PTPDC1: variants seen among roughly 807,000 people sequenced by gnomAD.
The protein encoded by PTPDC1 is protein tyrosine phosphatase domain containing 1, also known as protein tyrosine phosphatase domain-containing protein 1.
A neutral mutation model predicts 75.3 loss-of-function variants in PTPDC1; 53 were observed. The observed-to-expected ratio is 0.70, with a 90% CI of 0.56 to 0.88. PTPDC1 has a LOEUF of 0.88. PTPDC1 is among the 40% of genes least tolerant of loss of function. The probability of loss-of-function intolerance (pLI) is 0.00; values close to 1 mark genes in which losing one functional copy is unlikely to be tolerated. For missense variants in PTPDC1, 925 were observed against 998.6 expected (o/e 0.93, Z 0.99); for synonymous variants, 349 against 366.2 (o/e 0.95, Z 0.54).
Position 94,038,259 on chromosome 9 carries a change from C to G in PTPDC1, c.-7+7132C>G, listed in dbSNP as rs1302838566. 1.8e-5 allele frequency: 16 copies of G among 903,674 alleles called. No homozygotes were observed. The Admixed American group carries it at 2.5e-4, about 14-fold the overall frequency. 56.0% of individuals were successfully genotyped at this position (903,674 alleles called of 1,614,324 possible). A position where few individuals can be genotyped will look rare whatever the true frequency, so the allele number is the denominator to read the frequency against. ...TTGGAGAATCCCAAGAAGTACATCC[C>G]TGGAACAAAAATGATCTTTGCTGGC... On this transcript the variant is annotated intron_variant, in intron 1 of 9. Coordinates refer to the PTPDC1 transcript ENST00000375360.
upstream of PTPDC1, among the ~76,000 whole-genome samples, chr9:94,080,807 C>T (rs2117951242): frequency 6.6e-6 from 1 of 152,226 alleles, no homozygotes; most frequent in Admixed American, 6.5e-5. Context: ...ATCAGTGAAG[C>T]TTGAATGAGG....
intron 2 of PTPDC1, among the ~76,000 whole-genome samples, chr9:94,085,926 CT>C (rs957319867): frequency 3.3e-5 from 5 of 152,008 alleles, no homozygotes; most frequent in African/African-American, 7.2e-5. Flanking sequence ...AAGATATTTG[CT>C]TTTTTTATGG....
At position 94,103,556 on chromosome 9, in the gene PTPDC1, CATT is replaced by C. The variant is rs983181257; in HGVS notation, c.2200-718_2200-716del. The stretch of plus-strand genomic sequence containing the variant: ...TCAGGTTTTTTACTTTCATAGGCGT[CATT>C]GTAATGATAATTTGTGCTTGCAGGT... On this transcript the variant is annotated intron_variant, in intron 7 of 8. Coordinates refer to ENST00000620992, the MANE Select transcript of PTPDC1 (RefSeq NM_001253829.2). 9.3e-4 allele frequency among the ~76,000 whole-genome samples: 141 copies of C among 152,164 alleles called. 10 individuals carry two copies. The highest frequency in any genetic ancestry group is 4.4e-5 in the Non-Finnish European group (3 of 68,034).
At chr9:94,094,758 G>A (rs1243173770) in intron 4 of PTPDC1, among the ~76,000 whole-genome samples, 1 of 152,246 alleles carries the variant, frequency 6.6e-6, no homozygotes, top group East Asian at 1.9e-4. Flanking sequence ...CTCCGAGCCA[G>A]GTGCGGGATA....
intron 2 of PTPDC1, among the ~76,000 whole-genome samples, chr9:94,073,634 G>T (rs1016078314): frequency 2.0e-5 from 3 of 151,908 alleles, no homozygotes; most frequent in African/African-American, 7.3e-5. Context: ...TGCTTGTTTT[G>T]TGTGTGCTTT....
At chr9:94,102,735 C>T (rs895109087) in intron 7 of PTPDC1, among the ~76,000 whole-genome samples, 7 of 152,016 alleles carry the variant, frequency 4.6e-5, no homozygotes, top group African/African-American at 1.2e-4. Context: ...TGTGCCACCA[C>T]GCCCGGCTAA....
At position 94,109,014 on chromosome 9, in the gene PTPDC1, A is replaced by G. The variant is rs1004656905; in HGVS notation, c.*1070A>G. 1 of 152,324 alleles carries G rather than the reference A, an allele frequency of 6.6e-6. No homozygotes were observed. Among genetic ancestry groups the G allele is most frequent in the Non-Finnish European group, 1.5e-5 (1 of 68,092 alleles). 9.4% of individuals were successfully genotyped at this position (152,324 alleles called of 1,614,324 possible). ...CCACTCCATAGACCCACTTGCCTCAAGGCTTTATATTTGGCTGCTTTCTTA... is the reference window on the plus strand; with the variant it reads ...CCACTCCATAGACCCACTTGCCTCAGGGCTTTATATTTGGCTGCTTTCTTA... On this transcript the variant is annotated 3_prime_UTR_variant, in exon 9 of 9. Coordinates refer to ENST00000620992, the MANE Select transcript of PTPDC1 (RefSeq NM_001253829.2).
chr9:94,089,067 T>C (rs950453576), intron 4 of PTPDC1, among the ~76,000 whole-genome samples: 1 of 150,096 alleles, frequency 6.7e-6, no homozygotes, highest in East Asian at 2.0e-4. Context: ...TACATTTTTA[T>C]TTTATTTTTT....
intron 1 of PTPDC1, among the ~76,000 whole-genome samples, chr9:94,062,154 C>A (rs908448254): frequency 6.6e-6 from 1 of 152,162 alleles, no homozygotes; most frequent in Non-Finnish European, 1.5e-5. Flanking sequence ...CCTAAATTCT[C>A]TCTCAAGTTC....
intron 2 of PTPDC1, among the ~76,000 whole-genome samples, chr9:94,076,071 C>T (rs567693096): frequency 6.6e-6 from 1 of 152,216 alleles, no homozygotes; most frequent in East Asian, 1.9e-4. Flanking sequence ...ATGATCTTGG[C>T]TCACTGCAAC....
intron 6 of PTPDC1, among the ~76,000 whole-genome samples, chr9:94,099,161 G>C (rs1348141430): frequency 6.6e-6 from 1 of 152,166 alleles, no homozygotes; most frequent in African/African-American, 2.4e-5. Flanking sequence ...GCTGAGTTGA[G>C]GTCTTTGGGG....
intron 2 of PTPDC1, among the ~76,000 whole-genome samples, chr9:94,079,150 C>G (rs1398797850): frequency 6.6e-6 from 1 of 152,228 alleles, no homozygotes; most frequent in East Asian, 1.9e-4. Context: ...TGTTATTTGC[C>G]TGTCTATTTG....
chr9:94,086,666 T>C (rs776788279), intron 2 of PTPDC1, among the ~76,000 whole-genome samples: 2 of 152,228 alleles, frequency 1.3e-5, no homozygotes, highest in East Asian at 1.9e-4. Flanking sequence ...TAGTCATTTA[T>C]TGGGCGTCTG....
Position 94,092,656 on chromosome 9 carries a change from G to A in PTPDC1, c.617-2661G>A, listed in dbSNP as rs1437737760. 4.7e-5 allele frequency among the ~76,000 whole-genome samples: 7 copies of A among 149,686 alleles called. No individual in the cohort carries two copies. The South Asian group carries it at 6.4e-4, about 14-fold the overall frequency. On this transcript the variant is annotated intron_variant, in intron 4 of 8. Transcript: ENST00000620992. ...GGTATCCTTGTTGACTTTCTGTCTC[G>A]TTGATCTGTCTAATGTTGACAGTGG...
At chr9:94,033,374 G>A (rs1055007482) in intron 1 of PTPDC1, among the ~76,000 whole-genome samples, 1 of 152,046 alleles carries the variant, frequency 6.6e-6, no homozygotes, top group Non-Finnish European at 1.5e-5. Context: ...ATCGTTTCAC[G>A]TACCTCATGT....
chr9:94,098,028 T>C lies in PTPDC1; in HGVS notation c.1462T>C (p.Tyr488His), dbSNP rs771716321. 6.2e-7 allele frequency: 1 copy of C among 1,614,082 alleles called. No homozygotes were observed. The highest frequency in any genetic ancestry group is 1.3e-5 in the African/African-American group (1 of 74,920). Reference sequence around the variant, plus strand: ...GCAGCAGAAGCTCATAAGCCATTGTTACATCCCACAGTCTCCAGAACCAGA... The same window carrying C: ...GCAGCAGAAGCTCATAAGCCATTGTCACATCCCACAGTCTCCAGAACCAGA... ...PRQQKLISHC[Y>H]IPQSPEPDLH... The change falls in exon 6 of 9, where the codon TAC becomes CAC. Residue 488 changes from tyrosine to histidine, a missense_variant. By Grantham distance (83) the Tyr-to-His change is moderately conservative (BLOSUM62 2). Transcript: ENST00000620992.
intron 1 of PTPDC1, among the ~76,000 whole-genome samples, chr9:94,035,676 C>A (rs1825242011): frequency 6.6e-6 from 1 of 152,192 alleles, no homozygotes; most frequent in African/African-American, 2.4e-5. Context: ...GATTTCAAAT[C>A]TTTTGGGTAA....
chr9:94,060,509 G>T (rs372613887), intron 1 of PTPDC1, among the ~76,000 whole-genome samples: 1 of 152,140 alleles, frequency 6.6e-6, no homozygotes, highest in Non-Finnish European at 1.5e-5. Context: ...CTGTTCTCCC[G>T]TTGCTATAAA....
intron 7 of PTPDC1, among the ~76,000 whole-genome samples, chr9:94,102,514 C>CAA (rs1827878182): frequency 6.6e-6 from 1 of 152,016 alleles, no homozygotes; most frequent in East Asian, 1.9e-4. Flanking sequence ...TATAATTTAT[C>CAA]ATTTTTATCC....
Sources: allele counts gnomAD v4.1 joint callset (sites outside exome capture counted in the v4.1 genomes callset), GRCh38; gene constraint gnomAD v4.1.1; transcripts MANE v1.5; gene names NCBI Gene and HGNC (gene_info 2026-07-23, HGNC 2026-07-21).